Variants in LRBA observed in about 807,000 individuals in gnomAD.
The protein encoded by LRBA is LPS responsive beige-like anchor protein, also known as lipopolysaccharide-responsive and beige-like anchor protein.
Under a neutral mutation model 330.0 loss-of-function variants are expected in LRBA, and 176 were observed. That is an observed-to-expected ratio of 0.53 (90% CI 0.47 to 0.60). The LOEUF is 0.60. Among genes scored for constraint, LRBA ranks in the 20% least tolerant of loss-of-function variants. LRBA has a pLI of 0.00. For synonymous variants in LRBA, 1,230 were observed against 1,193.0 expected (o/e 1.03, Z -0.64); for missense variants, 3,259 against 3,444.8 (o/e 0.95, Z 1.35).
In LRBA at chr4:150,908,430, G is replaced by C; in HGVS notation, c.1397C>G (p.Ala466Gly). Residue 466 changes from alanine (A) to glycine (G), a missense_variant, in exon 11 of 57, where the codon GCA (alanine) becomes GGA (glycine). Ala to Gly is a moderately conservative substitution (Grantham distance 60). Coordinates refer to ENST00000651943, the MANE Select transcript of LRBA (RefSeq NM_001364905.1). The part of the protein sequence containing the change: ...KAVLTHSIQS[A>G]MHSIGGVQVL... ...TTGTACTCCTCCAATTGAATGCATT[G>C]CACTTTGGATGGAATGTGTTAAAAC... 6.2e-7 allele frequency: 1 copy of C among 1,607,726 alleles called. No homozygotes were observed. The highest frequency in any genetic ancestry group is 2.2e-5 in the East Asian group (1 of 44,780).
At chr4:150,807,867 C>G (rs1184140899) in intron 32 of LRBA, among the ~76,000 whole-genome samples, 2 of 152,118 alleles carry the variant, frequency 1.3e-5, no homozygotes, top group African/African-American at 4.8e-5. Flanking sequence ...CCAGGCTGAT[C>G]TTGAACTCCT....
intron 2 of LRBA, among the ~76,000 whole-genome samples, chr4:150,959,470 C>T (rs1404500881): frequency 6.7e-6 from 1 of 149,156 alleles, no homozygotes; most frequent in Non-Finnish European, 1.5e-5. Flanking sequence ...ATAGCAGAAA[C>T]ATGATCAAAG....
At chr4:150,766,657 C>A (rs938220471) in intron 34 of LRBA, among the ~76,000 whole-genome samples, 1 of 152,122 alleles carries the variant, frequency 6.6e-6, no homozygotes, top group South Asian at 2.1e-4. Context: ...TAATGGTCAT[C>A]GTCTTTCATG....
Position 151,010,462 on chromosome 4 carries a change from G to A in LRBA, c.216+3965C>T, listed in dbSNP as rs779472969. Among the ~76,000 whole-genome samples the A allele has an allele frequency of 3.9e-5, 6 of 152,272 alleles. No homozygotes were observed. In the East Asian group the frequency reaches 1.2e-3, roughly 29 times the overall value. On this transcript the variant is annotated intron_variant, in intron 2 of 56. Coordinates refer to ENST00000651943, the MANE Select transcript of LRBA (RefSeq NM_001364905.1). ...AAACACTTGACTACATTGGTGCACT[G>A]TTAATCAAAATTTATCTGCAAAACA...
rs1745067110 is a variant in LRBA, at chr4:150,264,521, T to G, written c.*1201A>C. Reference sequence around the variant, plus strand: ...AAAAAGGCATTTCCAACAATTCAATTACAGATGCCATTTTATTCAGCTTTT... The same window carrying G: ...AAAAAGGCATTTCCAACAATTCAATGACAGATGCCATTTTATTCAGCTTTT... On this transcript the variant is annotated 3_prime_UTR_variant, in exon 57 of 57. Coordinates refer to ENST00000651943, the MANE Select transcript of LRBA (RefSeq NM_001364905.1). 6.6e-6 allele frequency: 1 copy of G among 152,252 alleles called. No individual in the cohort carries two copies. Among genetic ancestry groups the G allele is most frequent in the Non-Finnish European group, 1.5e-5 (1 of 68,038 alleles). 9.4% of individuals were successfully genotyped at this position (152,252 alleles called of 1,614,324 possible).
rs587777513 is a variant in LRBA, at chr4:150,583,174, G to A, written c.6330+4874C>T. The A allele has an allele frequency of 6.2e-7, 1 of 1,614,232 alleles. No individual in the cohort carries two copies. Among genetic ancestry groups the A allele is most frequent in the Non-Finnish European group, 8.5e-7 (1 of 1,180,026 alleles). On this transcript the variant is annotated intron_variant, in intron 40 of 56. Coordinates refer to ENST00000651943, the MANE Select transcript of LRBA (RefSeq NM_001364905.1). This position sits in a 1 kb window ranked among gnomAD's most constrained non-coding sequence, Gnocchi z 9.8. Reference sequence around the variant, plus strand: ...CGTGCTCAAGGAAGTGGAGGTGCAGGAGCCTCGCTTCATCAGCTCCTTGAG... The same window carrying A: ...CGTGCTCAAGGAAGTGGAGGTGCAGAAGCCTCGCTTCATCAGCTCCTTGAG...
intron 36 of LRBA, among the ~76,000 whole-genome samples, chr4:150,691,950 T>C (rs1784177614): frequency 6.6e-6 from 1 of 152,208 alleles, no homozygotes; most frequent in African/African-American, 2.4e-5. Context: ...ATTCCATGTA[T>C]ATAAAATTTT....
chr4:150,557,491 C>CTT (rs752512634), intron 40 of LRBA, among the ~76,000 whole-genome samples: 2 of 144,016 alleles, frequency 1.4e-5, no homozygotes, highest in Non-Finnish European at 3.1e-5. Flanking sequence ...TTCTCTCAAG[C>CTT]TTTTTTTTTT....
intron 2 of LRBA, among the ~76,000 whole-genome samples, chr4:150,951,531 G>A (rs976373921): frequency 2.6e-5 from 4 of 152,040 alleles, no homozygotes; most frequent in African/African-American, 9.7e-5. Flanking sequence ...TCCTAATGCT[G>A]CATAAAAATA....
intron 36 of LRBA, among the ~76,000 whole-genome samples, chr4:150,706,305 T>C (rs988096970): frequency 2.6e-5 from 4 of 151,710 alleles, no homozygotes; most frequent in Admixed American, 6.6e-5. Flanking sequence ...AAACTCGAAA[T>C]TGACCCCAAA....
At chr4:150,955,881 G>C (rs1221187467) in intron 2 of LRBA, among the ~76,000 whole-genome samples, 1 of 148,482 alleles carries the variant, frequency 6.7e-6, no homozygotes, top group Non-Finnish European at 1.5e-5. Context: ...AACAGAGAGA[G>C]ACTCCATCTC....
At chr4:151,000,706 T>G (rs781505151) in intron 2 of LRBA, among the ~76,000 whole-genome samples, 1 of 152,242 alleles carries the variant, frequency 6.6e-6, no homozygotes. Flanking sequence ...ACTTAGGAAC[T>G]GTCAAGGGCT....
intron 37 of LRBA, among the ~76,000 whole-genome samples, chr4:150,642,769 T>C (rs1173668039): frequency 1.3e-5 from 2 of 151,898 alleles, no homozygotes; most frequent in Admixed American, 6.6e-5. Flanking sequence ...TTCACAGTTA[T>C]AAGACAGATA....
rs759000181 is a variant in LRBA at position 150,806,367 on chromosome 4, C to A, written c.5422G>T (p.Ala1808Ser). The change falls in exon 33 of 57, where the codon GCT becomes TCT. Residue 1808 changes from alanine to serine, a missense_variant. Physicochemically the swap from Ala to Ser is moderately conservative, Grantham distance 99. Coordinates refer to ENST00000651943, the MANE Select transcript of LRBA (RefSeq NM_001364905.1). ...ERLEHALEKA[A>S]PLLREIFVDF... ...ACAAAAATCTCACGAAGGAGAGGAG[C>A]TGCCTTTTCCAAAGCGTGTTCAAGC... 3.7e-6 allele frequency: 6 copies of A among 1,610,058 alleles called. 1 individual carries two copies. In the South Asian group the frequency reaches 5.5e-5, roughly 15 times the overall value.
intron 17 of LRBA, among the ~76,000 whole-genome samples, chr4:150,874,876 G>A (rs1335005548): frequency 6.6e-6 from 1 of 152,130 alleles, no homozygotes; most frequent in Non-Finnish European, 1.5e-5. Context: ...AAATGCACTT[G>A]CTTGCCCAGA....
chr4:150,435,101 T>G (rs1283812076), intron 46 of LRBA, among the ~76,000 whole-genome samples: 1 of 151,890 alleles, frequency 6.6e-6, no homozygotes, highest in Non-Finnish European at 1.5e-5. Context: ...TATCAACACT[T>G]TGGGAGGCTG....
chr4:150,531,452 G>A (rs956292751), intron 40 of LRBA, among the ~76,000 whole-genome samples: 5 of 152,072 alleles, frequency 3.3e-5, no homozygotes, highest in Non-Finnish European at 7.4e-5. Context: ...TTTTATTGAA[G>A]AGACATTATT....
chr4:150,965,743 C>T (rs1392617462), intron 2 of LRBA, among the ~76,000 whole-genome samples: 1 of 151,040 alleles, frequency 6.6e-6, no homozygotes, highest in Non-Finnish European at 1.5e-5. Context: ...GGGGTTTCAC[C>T]AAGTTGTCCA....
chr4:150,475,232 T>A (rs1756579537), intron 42 of LRBA, among the ~76,000 whole-genome samples: 1 of 152,174 alleles, frequency 6.6e-6, no homozygotes, highest in South Asian at 2.1e-4. Context: ...CCTATAGCAT[T>A]TTTCTTGTTA....
Sources: allele counts gnomAD v4.1 joint callset (sites outside exome capture counted in the v4.1 genomes callset), GRCh38; gene constraint gnomAD v4.1.1; non-coding constraint Gnocchi (gnomAD v3.1); transcripts MANE v1.5; gene names NCBI Gene and HGNC (gene_info 2026-07-23, HGNC 2026-07-21).